AEBP2: variants seen among roughly 807,000 people sequenced by gnomAD.
AEBP2 encodes the protein AE binding protein 2.
A neutral mutation model predicts 50.8 loss-of-function variants in AEBP2; 10 were observed. The ratio of observed to expected loss-of-function variants is 0.20; its 90% CI spans 0.12 to 0.33. AEBP2 has a LOEUF of 0.33. AEBP2 is among the 10% of genes least tolerant of loss of function. The pLI, the probability that AEBP2 is intolerant of heterozygous loss-of-function variation, is 1.00. For missense variants in AEBP2, 570 were observed against 688.0 expected (o/e 0.83, Z 1.92); for synonymous variants, 296 against 261.3 (o/e 1.13, Z -1.28).
chr12:19,411,323 G>C (rs935430667), intron 1 of AEBP2, among the ~76,000 whole-genome samples: 12 of 152,192 alleles, frequency 7.9e-5, no homozygotes, highest in African/African-American at 2.7e-4. Context: ...AAGGAAGCTT[G>C]GTCCAGAGGG....
intron 1 of AEBP2, among the ~76,000 whole-genome samples, chr12:19,426,400 T>A (rs1022068673): frequency 3.3e-5 from 5 of 152,202 alleles, no homozygotes; most frequent in African/African-American, 1.2e-4. Flanking sequence ...TATTCACAAT[T>A]CTTTGGTAAC....
At chr12:19,497,326 GTGTTTTT>G (rs1948999180) in intron 4 of AEBP2, among the ~76,000 whole-genome samples, 1 of 60,244 alleles carries the variant, frequency 1.7e-5, no homozygotes. Flanking sequence ...GTTTCCAAAG[GTGTTTTT>G]TTTTTTTTTT....
At chr12:19,447,170 C>T (rs1443587158) in intron 1 of AEBP2, among the ~76,000 whole-genome samples, 1 of 152,184 alleles carries the variant, frequency 6.6e-6, no homozygotes, top group Non-Finnish European at 1.5e-5. Context: ...CAAGTGAGGC[C>T]TTTCATGCCA....
At chr12:19,446,444 T>C (rs1157182261) in intron 1 of AEBP2, among the ~76,000 whole-genome samples, 1 of 152,136 alleles carries the variant, frequency 6.6e-6, no homozygotes, top group Non-Finnish European at 1.5e-5. Context: ...AGATCCCATC[T>C]ACAGGCGGGA....
chr12:19,487,471 A>G (rs1249113938), intron 3 of AEBP2, among the ~76,000 whole-genome samples: 1 of 152,222 alleles, frequency 6.6e-6, no homozygotes, highest in East Asian at 1.9e-4. Context: ...TAATCCCAGC[A>G]CTTTGGGAGG....
chr12:19,456,910 G>A (rs767603173), intron 1 of AEBP2: 24 of 1,435,276 alleles, frequency 1.7e-5, no homozygotes, highest in Non-Finnish European at 2.3e-5. Flanking sequence ...GGGCTTGTTA[G>A]TTGGATGAGT....
At chr12:19,505,134 T>G (rs754381360) in intron 5 of AEBP2, among the ~76,000 whole-genome samples, 1 of 152,220 alleles carries the variant, frequency 6.6e-6, no homozygotes, top group African/African-American at 2.4e-5. Context: ...CTGGGGACTT[T>G]GTGGGGATTC....
intron 4 of AEBP2, among the ~76,000 whole-genome samples, chr12:19,497,266 A>T (rs1275411857): frequency 6.6e-6 from 1 of 150,646 alleles, no homozygotes; most frequent in African/African-American, 2.4e-5. Context: ...AAGATAAATC[A>T]TACAATATAT....
intron 2 of AEBP2, among the ~76,000 whole-genome samples, chr12:19,468,448 A>G (rs1181069019): frequency 6.6e-6 from 1 of 152,136 alleles, no homozygotes; most frequent in Non-Finnish European, 1.5e-5. Context: ...GCTGATTTTA[A>G]TTTACTGGTA....
intron 1 of AEBP2, among the ~76,000 whole-genome samples, chr12:19,404,572 A>T (rs2095735080): frequency 6.6e-6 from 1 of 152,146 alleles, no homozygotes; most frequent in South Asian, 2.1e-4. Context: ...TGTCTTTCCA[A>T]GTGGGAGAGG....
intron 5 of AEBP2, among the ~76,000 whole-genome samples, chr12:19,505,909 TG>T (rs1949150375): frequency 6.6e-6 from 1 of 151,740 alleles, no homozygotes; most frequent in African/African-American, 2.4e-5. Flanking sequence ...CCAGGTAGTT[TG>T]GTCTGTAGGA....
At chr12:19,474,799 T>TA (rs1948622932) in intron 3 of AEBP2, among the ~76,000 whole-genome samples, 1 of 151,570 alleles carries the variant, frequency 6.6e-6, no homozygotes, top group Admixed American at 6.6e-5. Flanking sequence ...AATAGTTTTT[T>TA]TTTCCCCCCT....
intron 2 of AEBP2, among the ~76,000 whole-genome samples, chr12:19,470,871 C>G (rs377573968): frequency 6.6e-5 from 10 of 152,250 alleles, no homozygotes; most frequent in African/African-American, 2.2e-4. Context: ...AAGGAGAATC[C>G]TTCTGTCAAA....
intron 1 of AEBP2, chr12:19,457,234 T>G: frequency 6.3e-7 from 1 of 1,598,070 alleles, no homozygotes; most frequent in South Asian, 1.1e-5. Context: ...GGCATGCTCC[T>G]AGGTTTGTCC....
intron 5 of AEBP2, among the ~76,000 whole-genome samples, chr12:19,511,390 T>G (rs1949230547): frequency 6.6e-6 from 1 of 152,050 alleles, no homozygotes; most frequent in African/African-American, 2.4e-5. Context: ...GAAACTGTTC[T>G]CAGTATGAGG....
chr12:19,456,311 C>T, intron 1 of AEBP2: 1 of 1,487,656 alleles, frequency 6.7e-7, no homozygotes, highest in Non-Finnish European at 9.3e-7. Flanking sequence ...CCTTCTTGTT[C>T]ACTGCTTTGA....
At chr12:19,496,341 CT>C (rs1366827785) in intron 4 of AEBP2, among the ~76,000 whole-genome samples, 5 of 151,986 alleles carry the variant, frequency 3.3e-5, no homozygotes, top group African/African-American at 1.2e-4. Context: ...ATGAAAATAC[CT>C]TTTTGTCATC....
At chr12:19,457,345 T>G in intron 1 of AEBP2, 2 of 1,469,950 alleles carry the variant, frequency 1.4e-6, no homozygotes, top group Non-Finnish European at 1.9e-6. Context: ...TTTGATGAAG[T>G]CTCTGTGGTT....
intron 4 of AEBP2, among the ~76,000 whole-genome samples, chr12:19,494,604 C>T (rs1948943139): frequency 2.1e-5 from 3 of 145,894 alleles, no homozygotes; most frequent in Non-Finnish European, 4.5e-5. Context: ...TGGTCTCAAA[C>T]TCCCGACCTC....
Sources: allele counts gnomAD v4.1 joint callset (sites outside exome capture counted in the v4.1 genomes callset), GRCh38; gene constraint gnomAD v4.1.1; transcripts MANE v1.5; gene names NCBI Gene and HGNC (gene_info 2026-07-23, HGNC 2026-07-21).